Variants in TIAM1 observed in about 807,000 individuals in gnomAD.
The protein encoded by TIAM1 is TIAM Rac1 associated GEF 1.
TIAM1 carries 65 observed loss-of-function variants against 163.5 expected under a neutral mutation model. The ratio of observed to expected loss-of-function variants is 0.40; its 90% CI spans 0.33 to 0.49. TIAM1 has a LOEUF of 0.49. Ranked by LOEUF, TIAM1 falls within the 20% of genes least tolerant of loss-of-function variation. TIAM1 has a pLI of 0.77. For synonymous variants in TIAM1, 833 were observed against 810.1 expected (o/e 1.03, Z -0.48); for missense variants, 1,789 against 2,044.7 (o/e 0.87, Z 2.41).
intron 2 of TIAM1, among the ~76,000 whole-genome samples, chr21:31,432,320 C>T (rs1172584269): frequency 3.9e-5 from 6 of 152,014 alleles, no homozygotes. Context: ...AGCATGGTCT[C>T]GATCTCCTGA....
intron 14 of TIAM1, among the ~76,000 whole-genome samples, chr21:31,185,377 C>T (rs1424596893): frequency 6.9e-6 from 1 of 145,102 alleles, no homozygotes; most frequent in East Asian, 2.0e-4. Context: ...AATAATTGCA[C>T]ATCATAATTA....
chr21:31,304,216 A>G (rs1023000487), intron 2 of TIAM1, among the ~76,000 whole-genome samples: 2 of 152,232 alleles, frequency 1.3e-5, no homozygotes, highest in African/African-American at 4.8e-5. Context: ...AGGCCAACGT[A>G]AAGGTTTCCT....
At chr21:31,344,438 T>C (rs13046768), upstream of TIAM1, among the ~76,000 whole-genome samples, 23,257 of 152,106 alleles carry the variant, frequency 0.15, 1,831 homozygotes, top group Middle Eastern at 0.19. Flanking sequence ...CACCACATCC[T>C]TGGGGGCAAT....
intron 1 of TIAM1, among the ~76,000 whole-genome samples, chr21:31,548,301 C>T (rs2048566559): frequency 6.6e-6 from 1 of 151,638 alleles, no homozygotes; most frequent in South Asian, 2.1e-4. Flanking sequence ...GCCACCACAC[C>T]CAGCCAATTT....
At chr21:31,438,201 TTTTTTTTTGA>T (rs2044284803) in intron 2 of TIAM1, among the ~76,000 whole-genome samples, 1 of 128,324 alleles carries the variant, frequency 7.8e-6, no homozygotes, top group African/African-American at 3.1e-5. Context: ...TTTTTTTTTT[TTTTTTTTTGA>T]GACAGAGTCT....
intron 2 of TIAM1, among the ~76,000 whole-genome samples, chr21:31,416,619 A>G (rs1236665753): frequency 6.6e-6 from 1 of 152,202 alleles, no homozygotes; most frequent in Non-Finnish European, 1.5e-5. Context: ...AATGGCCTCC[A>G]GCTCCATCCA....
chr21:31,540,280 G>A (rs530383586), intron 1 of TIAM1, among the ~76,000 whole-genome samples: 2 of 152,072 alleles, frequency 1.3e-5, no homozygotes, highest in South Asian at 4.2e-4. Flanking sequence ...AGCTACTTGG[G>A]AGGCTGAGGC....
chr21:31,320,830 T>A (rs578151325), intron 2 of TIAM1, among the ~76,000 whole-genome samples: 1 of 152,212 alleles, frequency 6.6e-6, no homozygotes, highest in Non-Finnish European at 1.5e-5. Flanking sequence ...CCATCTCCAC[T>A]AAAAACACAA....
intron 2 of TIAM1, among the ~76,000 whole-genome samples, chr21:31,306,814 T>A (rs1015676928): frequency 6.6e-6 from 1 of 152,170 alleles, no homozygotes; most frequent in Non-Finnish European, 1.5e-5. Context: ...CAAGGCATGA[T>A]CCTCCACTGG....
chr21:31,147,691 T>C (rs1467286151), intron 19 of TIAM1, among the ~76,000 whole-genome samples: 1 of 144,162 alleles, frequency 6.9e-6, no homozygotes, highest in Non-Finnish European at 1.5e-5. Context: ...TAAATATATA[T>C]TCTATAAAAT....
At chr21:31,163,051 G>GA (rs1361620159) in intron 16 of TIAM1, among the ~76,000 whole-genome samples, 1 of 152,026 alleles carries the variant, frequency 6.6e-6, no homozygotes, top group Non-Finnish European at 1.5e-5. Context: ...ATTTAACATG[G>GA]AAACGATCTC....
At position 31,349,396 on chromosome 21, in the gene TIAM1, C is replaced by G. The variant is rs140433748; in HGVS notation, c.-368-9974G>C. Among the ~76,000 whole-genome samples, 909 of 152,230 alleles carry G rather than the reference C, an allele frequency of 6.0e-3. 5 individuals carry two copies. The highest frequency in any genetic ancestry group is 0.021 in the African/African-American group (857 of 41,534). ...CTCTTAGCTCCCACCAGCAATAAAC[C>G]ATATGGGGCCAGATGCTGTCCCACC... On this transcript the variant is annotated intron_variant, in intron 2 of 28. Coordinates refer to the TIAM1 transcript ENST00000286827.
chr21:31,173,013 C>T (rs560278786), intron 15 of TIAM1, among the ~76,000 whole-genome samples: 57 of 152,238 alleles, frequency 3.7e-4, no homozygotes, highest in African/African-American at 1.4e-3. Context: ...GTACCTCTGA[C>T]GCACCATCAA....
At chr21:31,211,786 T>G (rs1032855794) in intron 10 of TIAM1, among the ~76,000 whole-genome samples, 2 of 152,200 alleles carry the variant, frequency 1.3e-5, no homozygotes, top group Non-Finnish European at 2.9e-5. Flanking sequence ...TAAATGCCCC[T>G]TAGCACTGGA....
chr21:31,146,095 T>C (rs2083093254), intron 20 of TIAM1, among the ~76,000 whole-genome samples: 1 of 152,076 alleles, frequency 6.6e-6, no homozygotes, highest in South Asian at 2.1e-4. Context: ...AAATGACCCA[T>C]CAATTCTGGC....
At chr21:31,233,248 C>CGCT (rs1328734399) in intron 6 of TIAM1, among the ~76,000 whole-genome samples, 1 of 151,866 alleles carries the variant, frequency 6.6e-6, no homozygotes, top group Non-Finnish European at 1.5e-5. Context: ...GTAGGTCAAA[C>CGCT]GCTTTCATTT....
chr21:31,495,499 C>CAGAGGAGCCTCCAT, intron 1 of TIAM1, among the ~76,000 whole-genome samples: 1 of 152,146 alleles, frequency 6.6e-6, no homozygotes, highest in East Asian at 1.9e-4. Flanking sequence ...GGAGCCTCCA[C>CAGAGGAGCCTCCAT]GGCAGAGGAG....
intron 1 of TIAM1, among the ~76,000 whole-genome samples, chr21:31,529,281 A>AT (rs2047899816): frequency 6.6e-6 from 1 of 152,156 alleles, no homozygotes; most frequent in South Asian, 2.1e-4. Flanking sequence ...GGAAAAAAAA[A>AT]GTCACAAAAC....
chr21:31,357,136 G>A (rs999071546), intron 2 of TIAM1, among the ~76,000 whole-genome samples: 1 of 152,160 alleles, frequency 6.6e-6, no homozygotes, highest in African/African-American at 2.4e-5. Context: ...CCAGACAGCT[G>A]ACTGTGGCTA....
Sources: allele counts gnomAD v4.1 joint callset (sites outside exome capture counted in the v4.1 genomes callset), GRCh38; gene constraint gnomAD v4.1.1; transcripts MANE v1.5; gene names NCBI Gene and HGNC (gene_info 2026-07-23, HGNC 2026-07-21).